The following RAD51AP2 variants were observed in gnomAD, a reference collection of about 807,000 sequenced individuals.
RAD51AP2 encodes the protein RAD51-associated protein 2.
A neutral mutation model predicts 85.5 loss-of-function variants in RAD51AP2; 67 were observed. The observed-to-expected ratio is 0.78, with a 90% CI of 0.64 to 0.96. The LOEUF is 0.96. Ranked by LOEUF, RAD51AP2 falls within the 40% of genes least tolerant of loss-of-function variation. RAD51AP2 has a pLI of 0.00. For synonymous variants in RAD51AP2, 474 were observed against 446.5 expected, an observed-to-expected ratio of 1.06 and a Z score of -0.78; for missense variants, 1,307 against 1,332.4, an observed-to-expected ratio of 0.98 and a Z score of 0.30.
At chr2:17,527,970 A>G in the RAD51AP2 span, among the ~76,000 whole-genome samples, 2 of 152,202 alleles carry the variant, frequency 1.3e-5, no homozygotes, top group Admixed American at 6.5e-5. Context: ...TGCCACTATT[A>G]ATATTGTTCT....
chr2:17,516,199 A>C lies in RAD51AP2; in HGVS notation c.2217T>G (p.Pro739=). ...STVKAHGNSC[P]QFIQNNRGYI... is the part of the protein sequence containing the mutation. ...ATCCTCGGTTGTTCTGTATAAATTG[A>C]GGACAAGAATTACCATGTGCTTTAA... The change falls in exon 1 of 3, where the codon CCT becomes CCG. Residue 739 remains proline, a synonymous_variant. Coordinates refer to ENST00000399080, the MANE Select transcript of RAD51AP2 (RefSeq NM_001099218.3). 6.2e-7 allele frequency: 1 copy of C among 1,613,388 alleles called. No homozygotes were observed. The highest frequency in any genetic ancestry group is 2.2e-5 in the East Asian group (1 of 44,842).
At chr2:17,520,900 C>T (rs376560432), upstream of RAD51AP2, among the ~76,000 whole-genome samples, 4 of 152,064 alleles carry the variant, frequency 2.6e-5, no homozygotes, top group African/African-American at 4.8e-5. Flanking sequence ...TCAAAAGTTA[C>T]CTCTACGGTG....
At chr2:17,514,505 T>C (rs1381552169) in intron 1 of RAD51AP2, among the ~76,000 whole-genome samples, 1 of 148,640 alleles carries the variant, frequency 6.7e-6, no homozygotes, top group East Asian at 1.9e-4. Context: ...CTCACGCTTG[T>C]AATCCTAGCA....
At chr2:17,513,410 A>T (rs115759006) in intron 2 of RAD51AP2, among the ~76,000 whole-genome samples, 4,477 of 151,438 alleles carry the variant, frequency 0.03, 68 homozygotes, top group Middle Eastern at 0.055. Context: ...GCTAATTTTT[A>T]TTATTTTTAG....
Position 17,516,797 on chromosome 2 carries a change from T to C in RAD51AP2, c.1619A>G (p.Lys540Arg). The C allele has an allele frequency of 1.9e-6, 3 of 1,552,552 alleles. No individual in the cohort carries two copies. The highest frequency in any genetic ancestry group is 2.6e-6 in the Non-Finnish European group (3 of 1,146,292). The change falls in exon 1 of 3, where the codon AAG (lysine) becomes AGG (arginine). Residue 540 changes from lysine to arginine, a missense_variant. By Grantham distance (26) the Lys-to-Arg change is conservative (BLOSUM62 2). Around this residue, in one of 3 missense-constraint regions of RAD51AP2, gnomAD observed 635 missense variants for 643.6 expected, o/e 0.99. Transcript: ENST00000399080. ...LTCCNILKCK[K>R]QIGIIGIQNL... is the part of the protein sequence containing the mutation. ...TTGAATACCAATTATACCAATTTGC[T>C]TTTTACACTTCAAAATGTTACAGCA...
the RAD51AP2 span, among the ~76,000 whole-genome samples, chr2:17,525,425 T>C: frequency 1.3e-5 from 2 of 152,004 alleles, no homozygotes; most frequent in African/African-American, 4.8e-5. Context: ...AATGTAACAC[T>C]GGGAATTGGG....
At chr2:17,521,470 A>G (rs1662854960), upstream of RAD51AP2, among the ~76,000 whole-genome samples, 1 of 152,222 alleles carries the variant, frequency 6.6e-6, no homozygotes, top group East Asian at 1.9e-4. Context: ...GTTTGTTTCA[A>G]ACTGAAAGAT....
At position 17,518,097 on chromosome 2, in the gene RAD51AP2, G is replaced by A. The variant is rs771355499; in HGVS notation, c.319C>T (p.Leu107Phe). ...AAACAGCTACTCATTTGGAATTTGA[G>A]ATTTGAGCATTTCAGATTACATATC... ...KQICNLKCSN[L>F]KFQMSSCLQS... The change falls in exon 1 of 3, where the codon CTC becomes TTC. Residue 107 changes from leucine to phenylalanine, a missense_variant. Physicochemically the swap from Leu to Phe is conservative, Grantham distance 22. This residue lies in a region of RAD51AP2 where 635 missense variants were observed against 643.6 expected (regional missense o/e 0.99). Coordinates refer to ENST00000399080, the MANE Select transcript of RAD51AP2 (RefSeq NM_001099218.3). The A allele has an allele frequency of 5.6e-5, 91 of 1,614,072 alleles. No individual in the cohort carries two copies. The highest frequency in any genetic ancestry group is 7.3e-5 in the Non-Finnish European group (86 of 1,180,040).
In RAD51AP2 at chr2:17,517,401, T is replaced by A. The variant is rs751982090; in HGVS notation, c.1015A>T (p.Thr339Ser). 6.2e-7 allele frequency: 1 copy of A among 1,613,760 alleles called. No homozygotes were observed. The highest frequency in any genetic ancestry group is 1.7e-4 in the Middle Eastern group (1 of 6,060). The change falls in exon 1 of 3, where the codon ACT (threonine) becomes TCT (serine). Residue 339 changes from threonine to serine, a missense_variant. By Grantham distance (58) the Thr-to-Ser change is moderately conservative. Around this residue, in one of 3 missense-constraint regions of RAD51AP2, gnomAD observed 635 missense variants for 643.6 expected, o/e 0.99. Transcript: ENST00000399080. ...CTGATCAAGTCTTTTCTCTTACAAGTATTTTGGCTACTGAGTGATGGGTAG... is the reference window on the plus strand; with the variant it reads ...CTGATCAAGTCTTTTCTCTTACAAGAATTTTGGCTACTGAGTGATGGGTAG... ...NDYPSLSSQN[T>S]CKRKDLISSN...
chr2:17,524,400 A>T, the RAD51AP2 span, among the ~76,000 whole-genome samples: 2 of 152,026 alleles, frequency 1.3e-5, no homozygotes, highest in Non-Finnish European at 2.9e-5. Flanking sequence ...TAAGCGCTAC[A>T]GTAAAGTTAT....
At chr2:17,529,047 T>C in the RAD51AP2 span, among the ~76,000 whole-genome samples, 2 of 152,304 alleles carry the variant, frequency 1.3e-5, no homozygotes, top group Non-Finnish European at 1.5e-5. Flanking sequence ...TCAAGTCTTA[T>C]GTGTTTTCTT....
chr2:17,515,293 G>C lies in RAD51AP2; in HGVS notation c.3123C>G (p.Gly1041=), dbSNP rs962059316. ...FHDTIAGPNM[G]KSHQSLFKWK... Reference sequence around the variant, plus strand: ...ATTTAAATAAACTTTGGTGACTTTTGCCCATATTAGGACCTGCTATAGTAT... The same window carrying C: ...ATTTAAATAAACTTTGGTGACTTTTCCCCATATTAGGACCTGCTATAGTAT... Residue 1041 remains glycine, a synonymous_variant, in exon 1 of 3, where the codon GGC becomes GGG. Coordinates refer to ENST00000399080, the MANE Select transcript of RAD51AP2 (RefSeq NM_001099218.3). The C allele has an allele frequency of 2.1e-5, 34 of 1,613,496 alleles. No homozygotes were observed. The African/African-American group carries it at 3.9e-4, about 18-fold the overall frequency.
At chr2:17,522,863 A>G (rs530298677), upstream of RAD51AP2, among the ~76,000 whole-genome samples, 2 of 152,080 alleles carry the variant, frequency 1.3e-5, no homozygotes, top group African/African-American at 4.8e-5. Context: ...TGGCAAATTT[A>G]TATAGCTATC....
At chr2:17,535,935 C>CAAAAAA in the RAD51AP2 span, among the ~76,000 whole-genome samples, 205 of 57,204 alleles carry the variant, frequency 3.6e-3, no homozygotes, top group African/African-American at 9.6e-3. Flanking sequence ...GTAAGAACAC[C>CAAAAAA]AAAAAAAAAA....
At chr2:17,529,324 T>G in the RAD51AP2 span, among the ~76,000 whole-genome samples, 8 of 151,938 alleles carry the variant, frequency 5.3e-5, no homozygotes, top group Non-Finnish European at 1.2e-4. Flanking sequence ...AACTGTTTTC[T>G]ACTGTTTTTG....
the RAD51AP2 span, among the ~76,000 whole-genome samples, chr2:17,530,584 C>CAAAAAA: frequency 6.2e-5 from 5 of 80,254 alleles, no homozygotes; most frequent in African/African-American, 1.9e-4. Flanking sequence ...GGCCCTGTCT[C>CAAAAAA]AAAAAAAAAA....
rs772474385 is a variant in RAD51AP2, at chr2:17,515,895, C to G, written c.2521G>C (p.Ala841Pro). The G allele has an allele frequency of 1.9e-6, 3 of 1,604,954 alleles. No homozygotes were observed. Among genetic ancestry groups the G allele is most frequent in the Non-Finnish European group, 2.5e-6 (3 of 1,177,624 alleles). Reference sequence around the variant, plus strand: ...TGGCAACTATTTGTTAAACTTTCAGCTGTGACTTTTACTTCCTCTTTCAAA... The same window carrying G: ...TGGCAACTATTTGTTAAACTTTCAGGTGTGACTTTTACTTCCTCTTTCAAA... ...LILKEEVKVT[A>P]ESLTNSCQVH... The change falls in exon 1 of 3, where the codon GCT becomes CCT. Residue 841 changes from alanine (A) to proline (P), a missense_variant. Physicochemically the swap from Ala to Pro is conservative, Grantham distance 27. Transcript: ENST00000399080.
At chr2:17,511,999 C>G (rs143422351) in intron 2 of RAD51AP2, among the ~76,000 whole-genome samples, 1 of 152,234 alleles carries the variant, frequency 6.6e-6, no homozygotes, top group Non-Finnish European at 1.5e-5. Flanking sequence ...TGTTGGATCA[C>G]AAGATCCTCC....
Position 17,516,286 on chromosome 2 carries a change from A to G in RAD51AP2, c.2130T>C (p.Asn710=), listed in dbSNP as rs1206754068. ...TCACAACTTGTTGAGGACAACTCATATTCTGACAAGTAATTTCTCTTATTA... is the reference window on the plus strand; with the variant it reads ...TCACAACTTGTTGAGGACAACTCATGTTCTGACAAGTAATTTCTCTTATTA... ...ISLIREITCQ[N]MSCPQQVVNV... Residue 710 remains asparagine, a synonymous_variant, in exon 1 of 3, where the codon AAT becomes AAC. Coordinates refer to ENST00000399080, the MANE Select transcript of RAD51AP2 (RefSeq NM_001099218.3). The G allele has an allele frequency of 1.9e-6, 3 of 1,609,888 alleles. No individual in the cohort carries two copies. The highest frequency in any genetic ancestry group is 3.3e-4 in the Middle Eastern group (2 of 6,042).
Sources: gnomAD v4.1 joint callset for allele counts (sites outside exome capture counted in the v4.1 genomes callset) on GRCh38, gnomAD v4.1.1 for gene constraint, gnomAD v4.1.1 regional missense constraint, MANE v1.5 for transcripts, NCBI Gene and HGNC (gene_info 2026-07-23, HGNC 2026-07-21) for gene names.